Variants in ADAMTSL1 observed in about 807,000 individuals in gnomAD.
The protein encoded by ADAMTSL1 is ADAMTS-like protein 1.
ADAMTSL1 carries 126 observed loss-of-function variants against 201.8 expected under a neutral mutation model. The ratio of observed to expected loss-of-function variants is 0.62; its 90% CI spans 0.54 to 0.72. The LOEUF is 0.72. Ranked by LOEUF, ADAMTSL1 falls within the 30% of genes least tolerant of loss-of-function variation. ADAMTSL1 has a pLI of 0.00. For missense variants in ADAMTSL1, 2,679 were observed against 2,277.8 expected (o/e 1.18, Z -3.59); for synonymous variants, 1,121 against 903.4 (o/e 1.24, Z -4.32).
intron 2 of ADAMTSL1, among the ~76,000 whole-genome samples, chr9:18,399,330 A>ATAT (rs1817890325): frequency 3.5e-5 from 2 of 56,612 alleles, no homozygotes; most frequent in East Asian, 5.3e-4. Context: ...TATATATATA[A>ATAT]AATTATTATT....
intron 1 of ADAMTSL1, among the ~76,000 whole-genome samples, chr9:18,062,921 C>T (rs1282486950): frequency 6.6e-6 from 1 of 152,000 alleles, no homozygotes; most frequent in African/African-American, 2.4e-5. Context: ...AATTTTGTTT[C>T]TTGGTTGTTG....
intron 2 of ADAMTSL1, among the ~76,000 whole-genome samples, chr9:18,442,253 A>G (rs566092038): frequency 6.6e-6 from 1 of 152,346 alleles, no homozygotes; most frequent in Non-Finnish European, 1.5e-5. Flanking sequence ...ATAAGTGTAT[A>G]TTTTTATCTA....
intron 2 of ADAMTSL1, among the ~76,000 whole-genome samples, chr9:18,177,553 G>A (rs77504662): frequency 0.014 from 2,067 of 152,208 alleles, 70 homozygotes; most frequent in African/African-American, 0.048. Context: ...AGGTGCTAGG[G>A]ACACAGCTTA....
At chr9:18,160,107 C>T (rs1023536643) in intron 1 of ADAMTSL1, among the ~76,000 whole-genome samples, 6 of 151,988 alleles carry the variant, frequency 3.9e-5, no homozygotes, top group Admixed American at 6.6e-5. Flanking sequence ...GGATCTAATA[C>T]AATTCTATTC....
intron 2 of ADAMTSL1, among the ~76,000 whole-genome samples, chr9:18,467,767 C>T (rs1821061670): frequency 6.6e-6 from 1 of 152,160 alleles, no homozygotes; most frequent in Non-Finnish European, 1.5e-5. Flanking sequence ...TCAAGTATTT[C>T]AATCGAGGTG....
intron 15 of ADAMTSL1, among the ~76,000 whole-genome samples, chr9:18,735,939 C>T (rs1588014256): frequency 6.6e-6 from 1 of 151,646 alleles, no homozygotes; most frequent in African/African-American, 2.4e-5. Flanking sequence ...AGACCCCCCA[C>T]CTCCTTCTAC....
At chr9:18,212,182 GA>G (rs1299767378) in intron 2 of ADAMTSL1, among the ~76,000 whole-genome samples, 2 of 151,920 alleles carry the variant, frequency 1.3e-5, no homozygotes, top group Admixed American at 6.6e-5. Context: ...ACCAGTTCCT[GA>G]AAAAAAGGAA....
chr9:17,936,791 T>C (rs914276942), intron 1 of ADAMTSL1, among the ~76,000 whole-genome samples: 2 of 152,188 alleles, frequency 1.3e-5, no homozygotes, highest in African/African-American at 4.8e-5. Flanking sequence ...ATTGGCCTGC[T>C]TTACTCCCCT....
At chr9:18,851,624 G>A (rs569648657) in intron 23 of ADAMTSL1, among the ~76,000 whole-genome samples, 110 of 152,304 alleles carry the variant, frequency 7.2e-4, no homozygotes, top group African/African-American at 2.6e-3. Flanking sequence ...CAGGGTTGGC[G>A]TGGGGTTTTA....
At chr9:18,448,758 G>A (rs1414272359) in intron 2 of ADAMTSL1, among the ~76,000 whole-genome samples, 5 of 151,710 alleles carry the variant, frequency 3.3e-5, no homozygotes, top group Admixed American at 2.0e-4. Flanking sequence ...TCCTCTTTCT[G>A]CAAAATAAAA....
At chr9:18,023,199 T>C (rs990102411) in intron 1 of ADAMTSL1, among the ~76,000 whole-genome samples, 7 of 152,194 alleles carry the variant, frequency 4.6e-5, no homozygotes, top group Non-Finnish European at 5.9e-5. Context: ...ATGACTCAAA[T>C]TGTGGGCTGC....
At chr9:18,151,448 C>G (rs1283109142) in intron 1 of ADAMTSL1, among the ~76,000 whole-genome samples, 3 of 151,992 alleles carry the variant, frequency 2.0e-5, no homozygotes, top group African/African-American at 7.2e-5. Flanking sequence ...GCCTCTGGTG[C>G]CAAGGTTTTC....
intron 1 of ADAMTSL1, among the ~76,000 whole-genome samples, chr9:18,036,354 C>T (rs1007787057): frequency 2.0e-5 from 3 of 152,158 alleles, no homozygotes; most frequent in African/African-American, 4.8e-5. Context: ...CTCTGCATTA[C>T]CCCATGTAAT....
chr9:17,968,794 G>A (rs1369048119), intron 1 of ADAMTSL1, among the ~76,000 whole-genome samples: 2 of 152,052 alleles, frequency 1.3e-5, no homozygotes, highest in African/African-American at 4.8e-5. Context: ...TCTTTGGAGG[G>A]CTTCTAATAC....
At chr9:18,501,746 A>G (rs1186060807) in intron 1 of ADAMTSL1, among the ~76,000 whole-genome samples, 1 of 152,194 alleles carries the variant, frequency 6.6e-6, no homozygotes, top group African/African-American at 2.4e-5. Flanking sequence ...ATTCCATTGA[A>G]ATGAATTATG....
chr9:18,889,169 C>G (rs1829085323), intron 24 of ADAMTSL1, among the ~76,000 whole-genome samples: 1 of 152,160 alleles, frequency 6.6e-6, no homozygotes, highest in South Asian at 2.1e-4. Flanking sequence ...ATTTATATAT[C>G]TTTGTAGAAA....
chr9:18,621,282 C>T (rs749605685), intron 4 of ADAMTSL1, among the ~76,000 whole-genome samples: 30 of 152,100 alleles, frequency 2.0e-4, no homozygotes, highest in Non-Finnish European at 3.8e-4. Flanking sequence ...AATGGCATTG[C>T]CCACATACTT....
At chr9:17,983,072 C>CTTTTTTTTTT (rs199805015) in intron 1 of ADAMTSL1, among the ~76,000 whole-genome samples, 1 of 100,316 alleles carries the variant, frequency 1.0e-5, no homozygotes, top group African/African-American at 3.4e-5. Context: ...TTCTTTCTTT[C>CTTTTTTTTTT]TTTCTTTTTT....
chr9:18,156,033 G>A (rs1221982786), intron 1 of ADAMTSL1, among the ~76,000 whole-genome samples: 8 of 152,014 alleles, frequency 5.3e-5, no homozygotes, highest in Non-Finnish European at 1.2e-4. Context: ...AAGAGTCTCA[G>A]ACTGCAGCCT....
Sources: gnomAD v4.1 joint callset for allele counts (sites outside exome capture counted in the v4.1 genomes callset) on GRCh38, gnomAD v4.1.1 for gene constraint, MANE v1.5 for transcripts, NCBI Gene and HGNC (gene_info 2026-07-23, HGNC 2026-07-21) for gene names.